KGD4: variants seen among roughly 807,000 people sequenced by gnomAD.
The protein encoded by KGD4 is alpha-ketoglutarate dehydrogenase component 4.
chr5:69,226,286 C>A, the KGD4 span: 2 of 1,266,782 alleles, frequency 1.6e-6, no homozygotes, highest in Non-Finnish European at 2.3e-6. Context: ...TTTAGTAGAT[C>A]ATTTCTTTTA....
the KGD4 span, chr5:69,217,860 A>C: frequency 6.2e-7 from 1 of 1,613,882 alleles, no homozygotes; most frequent in South Asian, 1.1e-5. Context: ...GTCTGCTAGT[A>C]GGGTCGTTCA....
chr5:69,217,847 G>A, the KGD4 span: 2 of 1,614,064 alleles, frequency 1.2e-6, no homozygotes, highest in South Asian at 1.1e-5. Flanking sequence ...GCAGCAAGAT[G>A]GCGTCTGCTA....
chr5:69,227,328 A>T, the KGD4 span, among the ~76,000 whole-genome samples: 1 of 152,184 alleles, frequency 6.6e-6, no homozygotes, highest in Non-Finnish European at 1.5e-5. Flanking sequence ...AATAATAACC[A>T]TTCCTGTTTC....
the KGD4 span, among the ~76,000 whole-genome samples, chr5:69,222,568 CT>C: frequency 6.6e-6 from 1 of 152,006 alleles, no homozygotes; most frequent in Non-Finnish European, 1.5e-5. Context: ...TTTCAAACTT[CT>C]TTTTTTTCTT....
At chr5:69,223,586 T>G in the KGD4 span, among the ~76,000 whole-genome samples, 1 of 152,190 alleles carries the variant, frequency 6.6e-6, no homozygotes, top group Non-Finnish European at 1.5e-5. Context: ...TCTTATTCGT[T>G]ACATAGCAAT....
At chr5:69,218,712 A>G in the KGD4 span, among the ~76,000 whole-genome samples, 1 of 152,156 alleles carries the variant, frequency 6.6e-6, no homozygotes, top group African/African-American at 2.4e-5. Flanking sequence ...AAACTATATT[A>G]TTTTATAATT....
At chr5:69,220,584 C>T in the KGD4 span, among the ~76,000 whole-genome samples, 14 of 151,144 alleles carry the variant, frequency 9.3e-5, no homozygotes, top group Non-Finnish European at 1.8e-4. Context: ...TCTGCCCGGC[C>T]GCCACCCCGT....
the KGD4 span, among the ~76,000 whole-genome samples, chr5:69,225,080 G>GAA: frequency 1.7e-4 from 18 of 104,988 alleles, no homozygotes; most frequent in African/African-American, 2.0e-4. Context: ...TCTGAAAAAA[G>GAA]AAAAAAAAAA....
the KGD4 span, chr5:69,217,986 G>T: frequency 6.4e-7 from 1 of 1,561,106 alleles, no homozygotes; most frequent in African/African-American, 1.4e-5. Flanking sequence ...GCGCCTCTGC[G>T]GAGGGCCAGT....
the KGD4 span, among the ~76,000 whole-genome samples, chr5:69,220,276 A>C: frequency 1.3e-5 from 2 of 151,860 alleles, no homozygotes; most frequent in Non-Finnish European, 2.9e-5. Context: ...TTGTTGATCC[A>C]TATCTTGAAG....
the KGD4 span, chr5:69,217,794 C>A: frequency 6.2e-7 from 1 of 1,612,966 alleles, no homozygotes. Flanking sequence ...CGCCGCGGCT[C>A]GCTCGCGCCC....
the KGD4 span, among the ~76,000 whole-genome samples, chr5:69,224,129 G>T: frequency 1.3e-5 from 2 of 152,096 alleles, no homozygotes; most frequent in Non-Finnish European, 2.9e-5. Context: ...GGTGGCCCAT[G>T]CCTGTAATCC....
the KGD4 span, chr5:69,228,346 A>G: frequency 1.2e-6 from 2 of 1,601,092 alleles, no homozygotes; most frequent in Non-Finnish European, 1.7e-6. Flanking sequence ...TCAGAAATAC[A>G]GAAGGAAACT....
chr5:69,217,833 A>T, the KGD4 span: 2 of 1,613,208 alleles, frequency 1.2e-6, no homozygotes, highest in South Asian at 2.2e-5. Flanking sequence ...GGGGGTCATG[A>T]TGGGCAGCAA....
At chr5:69,228,140 C>A in the KGD4 span, 1 of 1,286,714 alleles carries the variant, frequency 7.8e-7, no homozygotes, top group Non-Finnish European at 1.1e-6. Flanking sequence ...TATTTTAAGA[C>A]TCAGTATTTT....
chr5:69,229,188 C>A, the KGD4 span: 1 of 1,607,674 alleles, frequency 6.2e-7, no homozygotes, highest in African/African-American at 1.3e-5. Context: ...AATCTTACTG[C>A]TTTATTTTTT....
chr5:69,228,410 A>G, the KGD4 span: 10 of 1,573,028 alleles, frequency 6.4e-6, no homozygotes, highest in Non-Finnish European at 8.6e-6. Context: ...TCTTTATCCC[A>G]AGACTACGCA....
the KGD4 span, chr5:69,230,150 T>C: frequency 1.3e-5 from 2 of 152,084 alleles, no homozygotes; most frequent in African/African-American, 2.4e-5. Context: ...TTCTCTTCCA[T>C]ACCTTTAATG....
chr5:69,220,458 T>C, the KGD4 span, among the ~76,000 whole-genome samples: 1 of 151,656 alleles, frequency 6.6e-6, no homozygotes, highest in Non-Finnish European at 1.5e-5. Context: ...AGTTCAAGAT[T>C]AGCCTAGGCA....
Sources: allele counts gnomAD v4.1 joint callset (sites outside exome capture counted in the v4.1 genomes callset), GRCh38; gene constraint gnomAD v4.1.1; transcripts MANE v1.5; gene names NCBI Gene and HGNC (gene_info 2026-07-23, HGNC 2026-07-21).